The following PAFAH1B1 variants were observed in gnomAD, a reference collection of about 807,000 sequenced individuals.
PAFAH1B1 encodes the protein platelet-activating factor acetylhydrolase IB subunit beta.
A neutral mutation model predicts 57.5 loss-of-function variants in PAFAH1B1; 2 were observed. The ratio of observed to expected loss-of-function variants is 0.03; its 90% CI spans 0.01 to 0.11. PAFAH1B1 has a LOEUF of 0.11. Among genes scored for constraint, PAFAH1B1 ranks in the 10% least tolerant of loss-of-function variants. The pLI is 1.00. For synonymous variants in PAFAH1B1, 152 were observed against 169.6 expected (o/e 0.90, Z 0.81); for missense variants, 257 against 512.0 (o/e 0.50, Z 4.81).
At chr17:2,617,004 C>T (rs2068352007) in intron 1 of PAFAH1B1, among the ~76,000 whole-genome samples, 2 of 151,976 alleles carry the variant, frequency 1.3e-5, no homozygotes, top group African/African-American at 4.8e-5. Flanking sequence ...ACCCGGGAGG[C>T]AGAGGTTGCA....
intron 1 of PAFAH1B1, among the ~76,000 whole-genome samples, chr17:2,611,924 G>A (rs920059409): frequency 3.3e-5 from 5 of 152,062 alleles, no homozygotes; most frequent in East Asian, 3.9e-4. Context: ...CTCTGTGTTC[G>A]CTTAATTGTT....
rs113720059 is a variant in PAFAH1B1 at position 2,636,587 on chromosome 17, C to T, written c.-190-1512C>T. 5.8e-4 allele frequency among the ~76,000 whole-genome samples: 89 copies of T among 152,186 alleles called. 1 individual carries two copies. Among genetic ancestry groups the T allele is most frequent in the African/African-American group, 2.0e-3 (81 of 41,528 alleles). ...CAAATTTTTGTATTTTTAGTAGAGA[C>T]GAGATTTCACCGTGTTGGCCAGGCT... On this transcript the variant is annotated intron_variant, in intron 1 of 10. Transcript: ENST00000397195.
intron 2 of PAFAH1B1, among the ~76,000 whole-genome samples, chr17:2,649,687 T>A (rs2068822943): frequency 6.6e-6 from 1 of 152,180 alleles, no homozygotes; most frequent in Non-Finnish European, 1.5e-5. Context: ...CTTAAAATAA[T>A]AAAATTAAAT....
intron 3 of PAFAH1B1, 56 bp downstream of exon 3, chr17:2,665,512 G>GT: frequency 3.0e-6 from 3 of 993,262 alleles, no homozygotes; most frequent in South Asian, 2.6e-5. Flanking sequence ...TTTCACTCAA[G>GT]TATCTGTAGT....
chr17:2,597,401 G>GTTTTTT (rs2068094998), intron 1 of PAFAH1B1, among the ~76,000 whole-genome samples: 1 of 90,174 alleles, frequency 1.1e-5, no homozygotes, highest in Non-Finnish European at 2.5e-5. Context: ...GAACATCCGT[G>GTTTTTT]TCTTTTTTTT....
At chr17:2,623,261 C>CTT (rs376810275) in intron 1 of PAFAH1B1, among the ~76,000 whole-genome samples, 31 of 103,960 alleles carry the variant, frequency 3.0e-4, no homozygotes, top group South Asian at 6.1e-4. Context: ...TTTTTCCTTT[C>CTT]TTTTTTTTTT....
intron 2 of PAFAH1B1, among the ~76,000 whole-genome samples, chr17:2,664,519 C>T (rs1219208173): frequency 6.6e-6 from 1 of 151,972 alleles, no homozygotes; most frequent in Non-Finnish European, 1.5e-5. Flanking sequence ...AATTCTTCTG[C>T]CTTGGCCTCC....
chr17:2,646,112 A>C (rs2068765057), intron 2 of PAFAH1B1, among the ~76,000 whole-genome samples: 1 of 152,140 alleles, frequency 6.6e-6, no homozygotes, highest in Non-Finnish European at 1.5e-5. Flanking sequence ...ACGACAAAAT[A>C]AGTCTAAAGA....
chr17:2,602,314 A>G (rs1021831808), intron 1 of PAFAH1B1, among the ~76,000 whole-genome samples: 1 of 152,120 alleles, frequency 6.6e-6, no homozygotes, highest in African/African-American at 2.4e-5. Flanking sequence ...TGTGGTTCGC[A>G]TTTTTATGGA....
chr17:2,653,080 C>T (rs961089469), intron 2 of PAFAH1B1, among the ~76,000 whole-genome samples: 7 of 152,162 alleles, frequency 4.6e-5, no homozygotes, highest in African/African-American at 9.7e-5. Flanking sequence ...TCGTGGAATA[C>T]TATGCAGCCA....
chr17:2,631,512 G>C (rs1187254777), intron 1 of PAFAH1B1, among the ~76,000 whole-genome samples: 1 of 152,150 alleles, frequency 6.6e-6, no homozygotes, highest in Non-Finnish European at 1.5e-5. Context: ...GCTGCTTGGG[G>C]ATCCAGTGAG....
At chr17:2,666,929 T>C in intron 4 of PAFAH1B1, 63 bp from the exon 5 acceptor site, 1 of 1,328,834 alleles carries the variant, frequency 7.5e-7, no homozygotes, top group Admixed American at 1.8e-5. Context: ...GGCAGTTTTT[T>C]AAAATGTCAC....
chr17:2,594,160 C>T (rs991162832), intron 1 of PAFAH1B1, among the ~76,000 whole-genome samples, 154 bp downstream of exon 1: 1 of 152,044 alleles, frequency 6.6e-6, no homozygotes, highest in Non-Finnish European at 1.5e-5. Flanking sequence ...CCTCCTTCTT[C>T]TTCTCTCCTC....
At chr17:2,597,734 A>G (rs1173285367) in intron 1 of PAFAH1B1, among the ~76,000 whole-genome samples, 1 of 137,584 alleles carries the variant, frequency 7.3e-6, no homozygotes, top group Admixed American at 7.1e-5. Context: ...TAAAAATAAT[A>G]TAAATGTTTC....
chr17:2,652,109 A>G (rs899000007), intron 2 of PAFAH1B1, among the ~76,000 whole-genome samples: 1 of 151,608 alleles, frequency 6.6e-6, no homozygotes, highest in African/African-American at 2.4e-5. Context: ...TTGACTTAAC[A>G]ATATGTACTT....
rs1226161297 is a variant in PAFAH1B1, at chr17:2,666,081, A to G, written c.183A>G (p.Leu61=). ...AAAAATGGACATCTGTTATTAGATT[A>G]CAAAAGAAGGTAACTAAGTCTTTTT... ...LEKKWTSVIR[L]QKKVMELESK... Residue 61 remains leucine, a synonymous_variant, in exon 4 of 11, where the codon TTA becomes TTG. Coordinates refer to ENST00000397195, the MANE Select transcript of PAFAH1B1 (RefSeq NM_000430.4). 2 of 1,509,348 alleles carry G rather than the reference A, an allele frequency of 1.3e-6. No homozygotes were observed. The highest frequency in any genetic ancestry group is 2.7e-5 in the African/African-American group (2 of 72,870). 93.5% of individuals were successfully genotyped at this position (1,509,348 alleles called of 1,614,324 possible).
chr17:2,631,694 G>T (rs144565447), intron 1 of PAFAH1B1, among the ~76,000 whole-genome samples: 268 of 152,244 alleles, frequency 1.8e-3, no homozygotes, highest in African/African-American at 5.8e-3. Context: ...CAGTATTTGG[G>T]GTGTCTCCCG....
chr17:2,672,253 T>C (rs2069193957), intron 6 of PAFAH1B1, among the ~76,000 whole-genome samples: 1 of 118,324 alleles, frequency 8.5e-6, no homozygotes, highest in African/African-American at 3.3e-5. Context: ...CACTGCACTT[T>C]AGCCTGGGTA....
chr17:2,606,732 G>A (rs567913218), intron 1 of PAFAH1B1, among the ~76,000 whole-genome samples: 76 of 150,734 alleles, frequency 5.0e-4, no homozygotes, highest in African/African-American at 1.7e-3. Flanking sequence ...AAAAGTACCT[G>A]CAGTAGTAAA....
Sources: allele counts gnomAD v4.1 joint callset (sites outside exome capture counted in the v4.1 genomes callset), GRCh38; gene constraint gnomAD v4.1.1; transcripts MANE v1.5; gene names NCBI Gene and HGNC (gene_info 2026-07-23, HGNC 2026-07-21).